The following MCC variants were observed in gnomAD, a reference collection of about 807,000 sequenced individuals.
MCC encodes MCC regulator of Wnt signaling pathway.
Under a neutral mutation model 116.2 loss-of-function variants are expected in MCC, and 90 were observed. The observed-to-expected ratio is 0.77, with a 90% confidence interval of 0.65 to 0.92. The LOEUF (loss-of-function observed/expected upper bound fraction) is 0.92, where lower values mean the gene tolerates loss of function less well. Among genes scored for constraint, MCC ranks in the 40% least tolerant of loss-of-function variants. The pLI, the probability that MCC is intolerant of heterozygous loss-of-function variation, is 0.00. For synonymous variants in MCC, 578 were observed against 510.5 expected (o/e 1.13, Z -1.78); for missense variants, 1,516 against 1,312.2 (o/e 1.16, Z -2.40).
intron 3 of MCC, among the ~76,000 whole-genome samples, chr5:113,158,072 C>A (rs1049298629): frequency 1.3e-5 from 2 of 152,186 alleles, no homozygotes; most frequent in African/African-American, 4.8e-5. Flanking sequence ...GACAAAGCAG[C>A]CCAGCACGCA....
intron 14 of MCC, among the ~76,000 whole-genome samples, chr5:113,056,666 C>A (rs1752856840): frequency 6.6e-6 from 1 of 152,092 alleles, no homozygotes; most frequent in African/African-American, 2.4e-5. Flanking sequence ...ATACAACAAA[C>A]CTCCATGACA....
chr5:113,430,550 A>G (rs1770604279), intron 1 of MCC, among the ~76,000 whole-genome samples: 1 of 152,264 alleles, frequency 6.6e-6, no homozygotes, highest in South Asian at 2.1e-4. Context: ...GAAGCTAGAC[A>G]GAGTAAACAG....
intron 1 of MCC, among the ~76,000 whole-genome samples, chr5:113,422,441 CT>C (rs561268967): frequency 7.0e-4 from 106 of 152,170 alleles, no homozygotes; most frequent in Admixed American, 5.2e-3. Flanking sequence ...TTATTTTTGT[CT>C]TTTTAATTGA....
At chr5:113,214,344 C>T (rs1242123461) in intron 3 of MCC, among the ~76,000 whole-genome samples, 1 of 152,242 alleles carries the variant, frequency 6.6e-6, no homozygotes, top group Non-Finnish European at 1.5e-5. Flanking sequence ...CCTTTCTCCA[C>T]CACATTCACA....
At chr5:113,044,570 G>T (rs1314432506) in intron 16 of MCC, 6 of 721,972 alleles carry the variant, frequency 8.3e-6, no homozygotes, top group Non-Finnish European at 1.0e-5. Flanking sequence ...AATGTAAACA[G>T]ATATTTTTTT....
intron 5 of MCC, among the ~76,000 whole-genome samples, chr5:113,132,686 G>A (rs981593699): frequency 6.6e-6 from 1 of 152,066 alleles, no homozygotes; most frequent in Non-Finnish European, 1.5e-5. Flanking sequence ...AGCCCTTAGT[G>A]GACTGACTTG....
rs761173618 is a variant in MCC, at chr5:113,488,370, G to GCCA, written c.44_45insTGG (p.Gly21dup). ...TGCCGCTGCCGCCGCCGCCGCCGCC[G>GCCA]CTGCTGGAGCTCCCCGCAGCCGCTG... On this transcript the variant is annotated inframe_insertion, in exon 1 of 19. Transcript: ENST00000408903. 25 of 1,508,244 alleles carry GCCA rather than the reference G, an allele frequency of 1.7e-5. No individual in the cohort carries two copies. Among genetic ancestry groups the GCCA allele is most frequent in the Non-Finnish European group, 2.0e-5 (23 of 1,133,284 alleles). The allele number at this position is 1,508,244 out of a possible 1,614,324, so 93.4% of individuals were successfully genotyped here.
intron 3 of MCC, among the ~76,000 whole-genome samples, chr5:113,163,460 C>T (rs574137581): frequency 3.9e-5 from 6 of 152,094 alleles, no homozygotes; most frequent in African/African-American, 1.4e-4. Flanking sequence ...TTGTCCCCCA[C>T]AGATCACCTA....
Position 113,151,006 on chromosome 5 carries a change from C to T in MCC, c.741+303G>A, listed in dbSNP as rs926587510. Among the ~76,000 whole-genome samples the T allele has an allele frequency of 2.8e-4, 42 of 152,260 alleles. 1 individual carries two copies. Among genetic ancestry groups the T allele is most frequent in the Middle Eastern group, 3.4e-3 (1 of 294 alleles). On this transcript the variant is annotated intron_variant, in intron 4 of 18. Transcript: ENST00000408903. ...CTGCAGTGAGTCATGATCGTGCCAC[C>T]GCACTCCAGCTTGGGTGACAGAGCA...
chr5:113,201,010 T>C (rs1762647391), intron 3 of MCC, among the ~76,000 whole-genome samples: 1 of 152,184 alleles, frequency 6.6e-6, no homozygotes, highest in South Asian at 2.1e-4. Flanking sequence ...GACCAAACAG[T>C]TAAATTCTTA....
At chr5:113,242,150 C>T (rs1208803968) in intron 3 of MCC, among the ~76,000 whole-genome samples, 1 of 152,198 alleles carries the variant, frequency 6.6e-6, no homozygotes, top group Non-Finnish European at 1.5e-5. Flanking sequence ...TACCCAGATT[C>T]ATTAGAAATA....
At chr5:113,308,662 G>T (rs896711025) in intron 3 of MCC, among the ~76,000 whole-genome samples, 3 of 152,032 alleles carry the variant, frequency 2.0e-5, no homozygotes, top group Admixed American at 2.0e-4. Flanking sequence ...TGTCTCTACA[G>T]AAAATCTAAC....
At chr5:113,215,220 T>C (rs1763266993) in intron 3 of MCC, among the ~76,000 whole-genome samples, 1 of 152,208 alleles carries the variant, frequency 6.6e-6, no homozygotes, top group South Asian at 2.1e-4. Flanking sequence ...TCAACTACAC[T>C]GTATTTTAGT....
chr5:113,073,870 A>G (rs1477135770), intron 11 of MCC, among the ~76,000 whole-genome samples: 1 of 152,204 alleles, frequency 6.6e-6, no homozygotes, highest in Admixed American at 6.5e-5. Flanking sequence ...TAGGTAAACA[A>G]AGTGGCTGGG....
At chr5:113,069,166 T>C (rs1352946157) in intron 12 of MCC, among the ~76,000 whole-genome samples, 4 of 152,232 alleles carry the variant, frequency 2.6e-5, no homozygotes, top group Admixed American at 6.5e-5. Flanking sequence ...GGGCAGTGCA[T>C]GTAGAGAACA....
At chr5:113,088,650 C>G (rs1175602707) in intron 8 of MCC, among the ~76,000 whole-genome samples, 4 of 151,934 alleles carry the variant, frequency 2.6e-5, no homozygotes, top group African/African-American at 7.3e-5. Flanking sequence ...AGATTGGACA[C>G]AAGTCAAAGA....
chr5:113,158,066 A>G (rs995160431), intron 3 of MCC, among the ~76,000 whole-genome samples: 2 of 152,206 alleles, frequency 1.3e-5, no homozygotes, highest in African/African-American at 4.8e-5. Context: ...AGGTCGGACA[A>G]AGCAGCCCAG....
In MCC at chr5:113,073,008, T is replaced by C. The variant is rs143576486; in HGVS notation, c.1785-1774A>G. On this transcript the variant is annotated intron_variant, in intron 11 of 18. Coordinates refer to ENST00000408903, the MANE Select transcript of MCC (RefSeq NM_001085377.2). ...AACACTACATGCTAGACCAAGCTTGTCCAACCTGTGGGCTGCATGGGGCCC... is the reference window on the plus strand; with the variant it reads ...AACACTACATGCTAGACCAAGCTTGCCCAACCTGTGGGCTGCATGGGGCCC... Among the ~76,000 whole-genome samples the C allele has an allele frequency of 4.6e-5, 7 of 152,040 alleles. No individual in the cohort carries two copies. The East Asian group carries it at 1.4e-3, about 29-fold the overall frequency.
chr5:113,045,050 G>A (rs375475511), intron 16 of MCC, among the ~76,000 whole-genome samples: 3 of 152,106 alleles, frequency 2.0e-5, no homozygotes, highest in African/African-American at 7.2e-5. Flanking sequence ...CCACCTACCT[G>A]CGCTCAGAGA....
Sources: gnomAD v4.1 joint callset for allele counts (sites outside exome capture counted in the v4.1 genomes callset) on GRCh38, gnomAD v4.1.1 for gene constraint, MANE v1.5 for transcripts, NCBI Gene and HGNC (gene_info 2026-07-23, HGNC 2026-07-21) for gene names.